The following MAPK10 variants were observed in gnomAD, a reference collection of about 807,000 sequenced individuals.
MAPK10 encodes the protein mitogen-activated protein kinase 10, also known as JNK3 alpha protein kinase.
Under a neutral mutation model 59.3 loss-of-function variants are expected in MAPK10, and 25 were observed. The observed-to-expected ratio is 0.42, with a 90% CI of 0.31 to 0.59. The LOEUF (loss-of-function observed/expected upper bound fraction) is 0.59. Among genes scored for constraint, MAPK10 ranks in the 20% least tolerant of loss-of-function variants. The probability of loss-of-function intolerance (pLI) is 0.15; values close to 1 mark genes in which losing one functional copy is unlikely to be tolerated. For synonymous variants in MAPK10, 190 were observed against 200.5 expected, an observed-to-expected ratio of 0.95 and a Z score of 0.44; for missense variants, 351 against 568.9, an observed-to-expected ratio of 0.62 and a Z score of 3.90.
chr4:86,227,112 T>C (rs1176176021), intron 2 of MAPK10, among the ~76,000 whole-genome samples: 2 of 152,212 alleles, frequency 1.3e-5, no homozygotes, highest in Non-Finnish European at 2.9e-5. Context: ...AGAAGGGTTC[T>C]CTGACACTAC....
At chr4:86,576,749 TA>T (rs1462795658) in intron 1 of MAPK10, among the ~76,000 whole-genome samples, 1 of 148,622 alleles carries the variant, frequency 6.7e-6, no homozygotes, top group Non-Finnish European at 1.5e-5. Flanking sequence ...TAGTCCAGCC[TA>T]GGGGACAGTG....
At chr4:86,152,290 G>T (rs890715283) in intron 4 of MAPK10, 4 of 152,080 alleles carry the variant, frequency 2.6e-5, no homozygotes, top group African/African-American at 9.7e-5. Flanking sequence ...GAATAGAAAT[G>T]AAGAAGAGCA....
At chr4:86,083,177 T>C (rs1248168338) in intron 9 of MAPK10, among the ~76,000 whole-genome samples, 1 of 151,988 alleles carries the variant, frequency 6.6e-6, no homozygotes, top group Non-Finnish European at 1.5e-5. Flanking sequence ...GCTCCACCAA[T>C]CATCCCCCCT....
At chr4:86,429,654 T>A (rs894895589) in intron 1 of MAPK10, 19 of 151,878 alleles carry the variant, frequency 1.3e-4, no homozygotes, top group Non-Finnish European at 2.4e-4. Context: ...AATAAAAAAA[T>A]TACCTAGGCA....
Position 86,195,858 on chromosome 4 carries a change from T to C in MAPK10, c.-6-1451A>G, listed in dbSNP as rs112819996. Among the ~76,000 whole-genome samples the C allele has an allele frequency of 2.3e-4, 35 of 152,320 alleles. No homozygotes were observed. In the Middle Eastern group the frequency reaches 0.01, roughly 44 times the overall value. ...TCCTGTGTTAGTTTGCTGAGAATGA[T>C]GGTTTCCAGCTTCATCCATGCCCCT... On this transcript the variant is annotated intron_variant, in intron 2 of 13. Transcript: ENST00000641462.
chr4:86,225,383 C>G (rs772529179), intron 2 of MAPK10, among the ~76,000 whole-genome samples: 10 of 152,276 alleles, frequency 6.6e-5, no homozygotes, highest in Admixed American at 1.3e-4. Context: ...AGTGAGCCTT[C>G]CTGGTAGACA....
At chr4:86,181,990 T>C (rs1238463133) in intron 3 of MAPK10, among the ~76,000 whole-genome samples, 1 of 152,146 alleles carries the variant, frequency 6.6e-6, no homozygotes, top group African/African-American at 2.4e-5. Flanking sequence ...CTCTGTTCAA[T>C]TGAGAAAAGA....
intron 1 of MAPK10, among the ~76,000 whole-genome samples, chr4:86,518,233 G>C (rs1277634793): frequency 2.6e-5 from 4 of 152,312 alleles, no homozygotes; most frequent in African/African-American, 9.6e-5. Context: ...ATGTTGGCCA[G>C]GCTTGCCTCG....
intron 1 of MAPK10, among the ~76,000 whole-genome samples, chr4:86,434,603 C>T (rs919733244): frequency 6.6e-6 from 1 of 152,194 alleles, no homozygotes; most frequent in African/African-American, 2.4e-5. Flanking sequence ...AATGTCATCT[C>T]ACACCAGTTA....
chr4:86,279,895 G>A (rs891324327), intron 2 of MAPK10, among the ~76,000 whole-genome samples: 1 of 152,112 alleles, frequency 6.6e-6, no homozygotes, highest in East Asian at 1.9e-4. Flanking sequence ...CAGTGCTCCT[G>A]CAGCTCTGTG....
chr4:86,140,450 G>A (rs1345643999), intron 4 of MAPK10, among the ~76,000 whole-genome samples: 7 of 143,464 alleles, frequency 4.9e-5, no homozygotes, highest in East Asian at 2.0e-4. Context: ...ACCAAACACC[G>A]CATGTTCTCA....
At chr4:86,280,560 T>C (rs1299686635) in intron 2 of MAPK10, among the ~76,000 whole-genome samples, 1 of 152,062 alleles carries the variant, frequency 6.6e-6, no homozygotes, top group African/African-American at 2.4e-5. Context: ...CTCAAAAAAC[T>C]AAAGATAGAA....
intron 1 of MAPK10, among the ~76,000 whole-genome samples, chr4:86,518,633 T>C (rs1317072610): frequency 7.3e-6 from 1 of 136,690 alleles, no homozygotes; most frequent in Non-Finnish European, 1.6e-5. Context: ...TGATCTTTGT[T>C]TTTTTTTTTT....
chr4:86,305,882 T>C (rs1451328909), intron 2 of MAPK10, among the ~76,000 whole-genome samples: 3 of 151,834 alleles, frequency 2.0e-5, no homozygotes, highest in Non-Finnish European at 4.4e-5. Context: ...CAGGAGTCTA[T>C]TGTAATACAC....
At chr4:86,440,072 AG>A (rs1749230812) in intron 1 of MAPK10, among the ~76,000 whole-genome samples, 1 of 152,238 alleles carries the variant, frequency 6.6e-6, no homozygotes, top group Admixed American at 6.5e-5. Context: ...AAATATTTCA[AG>A]ATATTTAATC....
intron 2 of MAPK10, among the ~76,000 whole-genome samples, chr4:86,337,577 T>G (rs1191693238): frequency 6.6e-6 from 1 of 152,174 alleles, no homozygotes; most frequent in Admixed American, 6.5e-5. Flanking sequence ...CCCACCATGA[T>G]CAGATAATCC....
At chr4:86,493,064 T>C (rs896938474) in intron 1 of MAPK10, among the ~76,000 whole-genome samples, 3 of 152,166 alleles carry the variant, frequency 2.0e-5, no homozygotes, top group African/African-American at 7.2e-5. Flanking sequence ...CTTCAACCAT[T>C]CATAGACTGC....
At chr4:86,133,664 G>A (rs542874790) in intron 4 of MAPK10, among the ~76,000 whole-genome samples, 2 of 152,206 alleles carry the variant, frequency 1.3e-5, no homozygotes, top group Non-Finnish European at 2.9e-5. Context: ...TAACACGTAT[G>A]AATCTATCAC....
chr4:86,394,004 C>T (rs1742582469), intron 1 of MAPK10, among the ~76,000 whole-genome samples: 1 of 152,198 alleles, frequency 6.6e-6, no homozygotes, highest in Non-Finnish European at 1.5e-5. Flanking sequence ...GGCGTGGTGG[C>T]TCAAACTTGT....
Sources: gnomAD v4.1 joint callset for allele counts (sites outside exome capture counted in the v4.1 genomes callset) on GRCh38, gnomAD v4.1.1 for gene constraint, MANE v1.5 for transcripts, NCBI Gene and HGNC (gene_info 2026-07-23, HGNC 2026-07-21) for gene names.